FHIP2A: variants seen among roughly 807,000 people sequenced by gnomAD.
The protein encoded by FHIP2A is family with sequence similarity 160 member B1.
Under a neutral mutation model 93.5 loss-of-function variants are expected in FHIP2A, and 46 were observed. The ratio of observed to expected loss-of-function variants is 0.49; its 90% confidence interval spans 0.39 to 0.63. The LOEUF is 0.63. Among genes scored for constraint, FHIP2A ranks in the 20% least tolerant of loss-of-function variants. The pLI, the probability that FHIP2A is intolerant of heterozygous loss-of-function variation, is 0.00. For synonymous variants in FHIP2A, 332 were observed against 326.5 expected, an observed-to-expected ratio of 1.02 and a Z score of -0.18; for missense variants, 769 against 909.7, an observed-to-expected ratio of 0.85 and a Z score of 1.99.
intron 16 of FHIP2A, among the ~76,000 whole-genome samples, chr10:114,886,696 C>A (rs545899310): frequency 6.6e-6 from 1 of 152,220 alleles, no homozygotes; most frequent in African/African-American, 2.4e-5. Context: ...AGGTGCCCGC[C>A]ACCACACCTG....
intron 5 of FHIP2A, among the ~76,000 whole-genome samples, chr10:114,840,275 T>G (rs2083661722): frequency 6.6e-6 from 1 of 152,188 alleles, no homozygotes; most frequent in Non-Finnish European, 1.5e-5. Context: ...TTAGAGTGGG[T>G]GAACATAAGG....
intron 16 of FHIP2A, among the ~76,000 whole-genome samples, chr10:114,898,584 A>G (rs1170708957): frequency 6.6e-6 from 1 of 151,494 alleles, no homozygotes; most frequent in East Asian, 1.9e-4. Context: ...ACTCTCCCCG[A>G]CTCTTAGGTT....
intron 5 of FHIP2A, among the ~76,000 whole-genome samples, chr10:114,837,510 G>A (rs896172784): frequency 1.1e-4 from 17 of 152,148 alleles, no homozygotes; most frequent in South Asian, 4.1e-4. Flanking sequence ...GTGAGACTCC[G>A]TCTCAAATAA....
chr10:114,845,456 A>G lies in FHIP2A; in HGVS notation c.1103A>G (p.Asp368Gly). 6.2e-7 allele frequency: 1 copy of G among 1,612,332 alleles called. No individual in the cohort carries two copies. The highest frequency in any genetic ancestry group is 8.5e-7 in the Non-Finnish European group (1 of 1,178,610). The stretch of plus-strand genomic sequence containing the variant: ...TTTCTTTCCTGGTTTGATTATTGTG[A>G]TCAGCTCATTAAGGAAGCCCAAAAG... The part of the protein sequence containing the change: ...ISFLSWFDYC[D>G]QLIKEAQKTA... Residue 368 changes from aspartate to glycine, a missense_variant, in exon 8 of 17, where the codon GAT (aspartate) becomes GGT (glycine). Asp to Gly is a moderately conservative substitution (Grantham distance 94). Coordinates refer to ENST00000369248, the MANE Select transcript of FHIP2A (RefSeq NM_020940.4).
At chr10:114,871,130 T>C (rs1400186163) in intron 16 of FHIP2A, among the ~76,000 whole-genome samples, 1 of 148,680 alleles carries the variant, frequency 6.7e-6, no homozygotes, top group Non-Finnish European at 1.5e-5. Context: ...ATATATATTA[T>C]ATATATATAC....
At chr10:114,897,289 G>A (rs542335978) in intron 16 of FHIP2A, among the ~76,000 whole-genome samples, 162 of 152,280 alleles carry the variant, frequency 1.1e-3, no homozygotes, top group Non-Finnish European at 1.8e-3. Flanking sequence ...GTGAGGTCTC[G>A]TTCCAGCCAA....
chr10:114,843,969 G>A, intron 7 of FHIP2A, 32 bp downstream of exon 7: 1 of 1,496,374 alleles, frequency 6.7e-7, no homozygotes, highest in Non-Finnish European at 8.9e-7. Flanking sequence ...TTCCCATAAA[G>A]GTGACTTCTT....
At chr10:114,876,407 C>T (rs773362809) in intron 16 of FHIP2A, among the ~76,000 whole-genome samples, 1 of 152,204 alleles carries the variant, frequency 6.6e-6, no homozygotes, top group Admixed American at 6.5e-5. Flanking sequence ...CACTGCTCAG[C>T]TCTGGTGCTT....
chr10:114,833,556 A>C (rs1388316640), intron 3 of FHIP2A, 154 bp downstream of exon 3: 1 of 670,628 alleles, frequency 1.5e-6, no homozygotes, highest in Non-Finnish European at 2.5e-6. Context: ...TGTGTAGCCT[A>C]TACAAATATG....
At chr10:114,866,043 A>G (rs145897967), downstream of FHIP2A, among the ~76,000 whole-genome samples, 48 of 152,186 alleles carry the variant, frequency 3.2e-4, no homozygotes, top group East Asian at 7.3e-3. Context: ...AACGTGTGCC[A>G]TGGTGGTTTG....
chr10:114,847,244 A>G lies in FHIP2A; in HGVS notation c.1712+11A>G. 1 of 1,591,524 alleles carries G rather than the reference A, an allele frequency of 6.3e-7. No homozygotes were observed. Among genetic ancestry groups the G allele is most frequent in the Non-Finnish European group, 8.5e-7 (1 of 1,173,718 alleles). ...TAAAATTGTAAATAGGTGAGTTGCTATATAAAATTTGACTTCCATCTCTCT... is the reference window on the plus strand; with the variant it reads ...TAAAATTGTAAATAGGTGAGTTGCTGTATAAAATTTGACTTCCATCTCTCT... On this transcript the variant is annotated intron_variant, in intron 12 of 16. Coordinates refer to ENST00000369248, the MANE Select transcript of FHIP2A (RefSeq NM_020940.4).
In FHIP2A at chr10:114,864,080, T is replaced by C; in HGVS notation, c.*2540T>C. The C allele has an allele frequency of 1.0e-6, 1 of 989,592 alleles. No individual in the cohort carries two copies. Among genetic ancestry groups the C allele is most frequent in the Non-Finnish European group, 1.2e-6 (1 of 832,378 alleles). 61.3% of individuals were successfully genotyped at this position (989,592 alleles called of 1,614,324 possible). A position where few individuals can be genotyped will look rare whatever the true frequency, so the allele number is the denominator to read the frequency against. On this transcript the variant is annotated 3_prime_UTR_variant, in exon 17 of 17. Transcript: ENST00000369248. ...AGCTGTGAGTGGATTCATAGCTTTT[T>C]GGTTTAATTGTACATTATTGTGTGT...
At chr10:114,883,434 C>T (rs779510996) in intron 16 of FHIP2A, among the ~76,000 whole-genome samples, 25 of 152,150 alleles carry the variant, frequency 1.6e-4, no homozygotes, top group Non-Finnish European at 3.1e-4. Flanking sequence ...CACTCCCCAA[C>T]AGCCTTAATT....
At chr10:114,845,652 T>A (rs2083696544) in intron 8 of FHIP2A, among the ~76,000 whole-genome samples, 171 bp downstream of exon 8, 1 of 152,192 alleles carries the variant, frequency 6.6e-6, no homozygotes, top group Non-Finnish European at 1.5e-5. Flanking sequence ...GTATTACAAT[T>A]CCAGAATAAA....
Position 114,863,085 on chromosome 10 carries a change from TAAAAC to T in FHIP2A, c.*1548_*1552del, listed in dbSNP as rs976861118. The T allele has an allele frequency of 6.4e-5, 63 of 983,268 alleles. No individual in the cohort carries two copies. The highest frequency in any genetic ancestry group is 7.2e-5 in the Non-Finnish European group (60 of 828,084). The allele number at this position is 983,268 out of a possible 1,614,324, so 60.9% of individuals were successfully genotyped here. On this transcript the variant is annotated 3_prime_UTR_variant, in exon 17 of 17. Coordinates refer to ENST00000369248, the MANE Select transcript of FHIP2A (RefSeq NM_020940.4). ...TCAGCTCTAGAATGCTTACCACTGT[TAAAAC>T]AACAAAAAGACTAAACCTCTAATTT...
At chr10:114,827,502 A>G (rs1286503825) in intron 1 of FHIP2A, among the ~76,000 whole-genome samples, 1 of 152,198 alleles carries the variant, frequency 6.6e-6, no homozygotes, top group Non-Finnish European at 1.5e-5. Context: ...GCTGGTAAAG[A>G]GTATCAAGGC....
chr10:114,881,117 G>A (rs2083914912), intron 16 of FHIP2A, among the ~76,000 whole-genome samples: 1 of 152,168 alleles, frequency 6.6e-6, no homozygotes, highest in African/African-American at 2.4e-5. Context: ...CTAACGAGGG[G>A]GCTGTAAACA....
intron 16 of FHIP2A, among the ~76,000 whole-genome samples, chr10:114,890,498 CAT>C (rs1388283068): frequency 7.6e-5 from 11 of 144,968 alleles, no homozygotes; most frequent in Non-Finnish European, 1.3e-4. Flanking sequence ...CTATATATGA[CAT>C]ATATAGTATA....
chr10:114,857,732 G>A (rs747651461), intron 14 of FHIP2A, among the ~76,000 whole-genome samples: 7 of 152,060 alleles, frequency 4.6e-5, no homozygotes, highest in Non-Finnish European at 8.8e-5. Context: ...GAATAGTTTG[G>A]CAAGTGGCTA....
Sources: gnomAD v4.1 joint callset for allele counts (sites outside exome capture counted in the v4.1 genomes callset) on GRCh38, gnomAD v4.1.1 for gene constraint, MANE v1.5 for transcripts, NCBI Gene and HGNC (gene_info 2026-07-23, HGNC 2026-07-21) for gene names.